Variants in MBD5 observed in about 807,000 individuals in gnomAD.
The protein encoded by MBD5 is methyl-CpG binding domain protein 5.
Under a neutral mutation model 117.3 loss-of-function variants are expected in MBD5, and 13 were observed. The observed-to-expected ratio is 0.11, with a 90% CI of 0.07 to 0.18. MBD5 has a LOEUF of 0.18. Ranked by LOEUF, MBD5 falls within the 10% of genes least tolerant of loss-of-function variation. The pLI is 1.00. For missense variants in MBD5, 1,879 were observed against 2,093.8 expected (o/e 0.90, Z 2.00); for synonymous variants, 727 against 766.4 (o/e 0.95, Z 0.85).
chr2:148,480,516 G>T (rs1384028374), intron 8 of MBD5, among the ~76,000 whole-genome samples: 1 of 151,976 alleles, frequency 6.6e-6, no homozygotes, highest in African/African-American at 2.4e-5. Context: ...GCCACAGATA[G>T]TGCCACAAGT....
chr2:148,037,459 A>G (rs1185102541), intron 1 of MBD5, among the ~76,000 whole-genome samples: 1 of 152,002 alleles, frequency 6.6e-6, no homozygotes, highest in Non-Finnish European at 1.5e-5. Flanking sequence ...GCTAAAAAAT[A>G]TCAAGTTATA....
chr2:148,051,604 AGTGTGTGTGTGTGTGTGTGT>A (rs59584574), intron 1 of MBD5, among the ~76,000 whole-genome samples: 1 of 139,234 alleles, frequency 7.2e-6, no homozygotes, highest in East Asian at 2.1e-4. Flanking sequence ...CTGTTTGTTG[AGTGTGTGTGTGTGTGTGTGT>A]GTGTGTGTGT....
chr2:148,106,326 A>G (rs1696372465), intron 1 of MBD5, among the ~76,000 whole-genome samples: 1 of 151,870 alleles, frequency 6.6e-6, no homozygotes, highest in South Asian at 2.1e-4. Context: ...GAAATCTTTT[A>G]TCATTTTTAA....
At chr2:148,233,612 G>C (rs1024069055) in intron 3 of MBD5, among the ~76,000 whole-genome samples, 6 of 151,998 alleles carry the variant, frequency 3.9e-5, no homozygotes, top group African/African-American at 1.4e-4. Context: ...TAGAGTAACA[G>C]ATAGAATAAG....
intron 4 of MBD5, among the ~76,000 whole-genome samples, chr2:148,446,246 T>C (rs111377348): frequency 2.6e-4 from 40 of 152,144 alleles, no homozygotes; most frequent in African/African-American, 9.7e-4. Context: ...GGTTTTCTTC[T>C]AGGGTTTTTA....
intron 11 of MBD5, among the ~76,000 whole-genome samples, chr2:148,501,745 A>G (rs1681878024): frequency 2.0e-5 from 3 of 152,188 alleles, no homozygotes; most frequent in African/African-American, 7.2e-5. Context: ...ACTGGCAGTG[A>G]TAAAGCAAGA....
At chr2:148,328,120 C>T (rs1190571255) in intron 3 of MBD5, among the ~76,000 whole-genome samples, 4 of 152,144 alleles carry the variant, frequency 2.6e-5, no homozygotes, top group African/African-American at 7.2e-5. Flanking sequence ...TCAGTCTGCC[C>T]CTGCTGGGGG....
At chr2:148,059,050 A>G (rs1694953362) in intron 1 of MBD5, among the ~76,000 whole-genome samples, 1 of 152,192 alleles carries the variant, frequency 6.6e-6, no homozygotes, top group Non-Finnish European at 1.5e-5. Flanking sequence ...TTGAATGTGT[A>G]CCTTTGTGAT....
intron 3 of MBD5, among the ~76,000 whole-genome samples, chr2:148,266,682 C>T (rs915173741): frequency 6.6e-6 from 1 of 151,938 alleles, no homozygotes; most frequent in African/African-American, 2.4e-5. Flanking sequence ...ATAATAACTC[C>T]CCTATCAATA....
chr2:148,468,615 A>G lies in MBD5; in HGVS notation c.672A>G (p.Pro224=). 6.2e-7 allele frequency: 1 copy of G among 1,613,906 alleles called. No individual in the cohort carries two copies. The highest frequency in any genetic ancestry group is 8.5e-7 in the Non-Finnish European group (1 of 1,179,880). Reference sequence around the variant, plus strand: ...GCAGCCATGGAGGCCTGCCCAGCCCAGCGTCATCAGGTTCCCAGATATATG... The same window carrying G: ...GCAGCCATGGAGGCCTGCCCAGCCCGGCGTCATCAGGTTCCCAGATATATG... ...FRGSHGGLPS[P]ASSGSQIYGD... The change falls in exon 8 of 14, where the codon CCA becomes CCG. Residue 224 remains proline (P), a synonymous_variant. Coordinates refer to ENST00000642680, the MANE Select transcript of MBD5 (RefSeq NM_001378120.1).
chr2:148,271,935 T>C (rs1488225995), intron 3 of MBD5, among the ~76,000 whole-genome samples: 1 of 152,184 alleles, frequency 6.6e-6, no homozygotes, highest in Non-Finnish European at 1.5e-5. Flanking sequence ...GACCAGCGTC[T>C]GCCCCATCCC....
intron 4 of MBD5, among the ~76,000 whole-genome samples, chr2:148,433,831 C>T (rs1706068644): frequency 1.3e-5 from 2 of 151,972 alleles, no homozygotes; most frequent in South Asian, 2.1e-4. Flanking sequence ...TGTGTGTCTG[C>T]CAGCTTTTGT....
At chr2:148,259,479 G>A (rs1314055879) in intron 3 of MBD5, among the ~76,000 whole-genome samples, 1 of 152,120 alleles carries the variant, frequency 6.6e-6, no homozygotes, top group African/African-American at 2.4e-5. Context: ...GTGGATACAT[G>A]GCCGACCCAG....
chr2:148,366,390 G>A (rs558671468), intron 4 of MBD5, among the ~76,000 whole-genome samples: 24 of 151,992 alleles, frequency 1.6e-4, no homozygotes, highest in Admixed American at 7.2e-4. Flanking sequence ...ACCAAAAGCC[G>A]GAAGCATTCC....
intron 1 of MBD5, among the ~76,000 whole-genome samples, chr2:148,036,394 T>C (rs186046040): frequency 9.2e-5 from 14 of 152,280 alleles, no homozygotes; most frequent in Admixed American, 7.9e-4. Flanking sequence ...GTTGGCAAAG[T>C]AAATGTAAAG....
chr2:148,285,315 C>G (rs946175690), intron 3 of MBD5, among the ~76,000 whole-genome samples: 3 of 152,186 alleles, frequency 2.0e-5, no homozygotes, highest in African/African-American at 7.2e-5. Flanking sequence ...TTCACAAGTT[C>G]CAGTGCACAT....
chr2:148,341,685 G>A (rs1396512552), intron 3 of MBD5, among the ~76,000 whole-genome samples: 1 of 151,890 alleles, frequency 6.6e-6, no homozygotes, highest in African/African-American at 2.4e-5. Context: ...AATAGAAAGA[G>A]TAGGTTTGAA....
Position 148,470,459 on chromosome 2 carries a change from C to A in MBD5, c.2516C>A (p.Ala839Glu). 1 of 1,595,426 alleles carries A rather than the reference C, an allele frequency of 6.3e-7. No individual in the cohort carries two copies. ...AGCTATAATCAAACAAGTTCTGAAG[C>A]AGGTATGGTTTTATTAGAAAAAAGT... ...VSSYNQTSSEAGGSGPSSSIA... is the reference protein window; with the variant it reads ...VSSYNQTSSEEGGSGPSSSIA... The change falls in exon 8 of 14, where the codon GCA becomes GAA. Residue 839 changes from alanine (A) to glutamate (E), a missense_variant and splice_region_variant. Physicochemically the swap from Ala to Glu is moderately radical, Grantham distance 107. Around this residue, in one of 4 missense-constraint regions of MBD5, gnomAD observed 1,666 missense variants for 1,792.2 expected, o/e 0.93. Transcript: ENST00000642680.
chr2:148,023,833 A>G (rs182158485), intron 1 of MBD5, among the ~76,000 whole-genome samples: 109 of 152,072 alleles, frequency 7.2e-4, no homozygotes, highest in Non-Finnish European at 1.3e-3. Context: ...TTATGGTTAG[A>G]AGATTGCAGA....
Sources: allele counts gnomAD v4.1 joint callset (sites outside exome capture counted in the v4.1 genomes callset), GRCh38; gene constraint gnomAD v4.1.1; regional missense constraint gnomAD v4.1.1; transcripts MANE v1.5; gene names NCBI Gene and HGNC (gene_info 2026-07-23, HGNC 2026-07-21).